Variants in TMTC3 observed in about 807,000 individuals in gnomAD.
TMTC3 encodes transmembrane O-mannosyltransferase targeting cadherins 3.
In TMTC3, 52 loss-of-function variants were observed where a neutral mutation model predicts 92.2. The observed-to-expected ratio is 0.56, with a 90% CI of 0.45 to 0.71. The LOEUF (loss-of-function observed/expected upper bound fraction) is 0.71, where lower values mean the gene tolerates loss of function less well. TMTC3 is among the 30% of genes least tolerant of loss of function. The pLI, the probability that TMTC3 is intolerant of heterozygous loss-of-function variation, is 0.00. For synonymous variants in TMTC3, 339 were observed against 363.3 expected (o/e 0.93, Z 0.76); for missense variants, 896 against 1,057.1 (o/e 0.85, Z 2.11).
intron 8 of TMTC3, among the ~76,000 whole-genome samples, chr12:88,174,252 C>A (rs1207804457): frequency 2.0e-5 from 3 of 152,000 alleles, no homozygotes; most frequent in African/African-American, 7.2e-5. Context: ...TGACCCCTTT[C>A]TAAACTCAAT....
intron 7 of TMTC3, among the ~76,000 whole-genome samples, chr12:88,170,695 T>C (rs2041195023): frequency 6.6e-6 from 1 of 152,064 alleles, no homozygotes; most frequent in South Asian, 2.1e-4. Flanking sequence ...ATTAGAAGAG[T>C]CTCAAACTTG....
chr12:88,146,879 TAGTC>T (rs1385255481), intron 1 of TMTC3, among the ~76,000 whole-genome samples: 1 of 150,092 alleles, frequency 6.7e-6, no homozygotes, highest in African/African-American at 2.4e-5. Context: ...AGAAACTACA[TAGTC>T]AGTAGTTTAA....
At chr12:88,154,148 C>T in intron 3 of TMTC3, 140 bp from the exon 4 acceptor site, 1 of 591,720 alleles carries the variant, frequency 1.7e-6, no homozygotes, top group Non-Finnish European at 2.9e-6. Context: ...AAATTCACCA[C>T]CTGAGGGCAC....
intron 4 of TMTC3, among the ~76,000 whole-genome samples, chr12:88,158,575 T>G (rs957772829): frequency 1.3e-5 from 2 of 152,104 alleles, no homozygotes; most frequent in Admixed American, 6.5e-5. Context: ...ATTTCTTTGT[T>G]TTCGGTTATT....
In TMTC3 at chr12:88,196,787, A is replaced by G. The variant is rs1260644328; in HGVS notation, c.*1138A>G. The stretch of plus-strand genomic sequence containing the variant: ...AAACAAATTACTATTGCATTTTCCT[A>G]TATATGCATATATTATGGATTAACC... On this transcript the variant is annotated 3_prime_UTR_variant, in exon 14 of 14. Coordinates refer to ENST00000266712, the MANE Select transcript of TMTC3 (RefSeq NM_181783.4). The G allele has an allele frequency of 6.6e-6, 1 of 151,878 alleles. No homozygotes were observed. The highest frequency in any genetic ancestry group is 1.5e-5 in the Non-Finnish European group (1 of 67,820). 9.4% of individuals were successfully genotyped at this position (151,878 alleles called of 1,614,324 possible).
intron 4 of TMTC3, among the ~76,000 whole-genome samples, chr12:88,155,520 A>G (rs951084916): frequency 6.6e-6 from 1 of 152,152 alleles, no homozygotes; most frequent in African/African-American, 2.4e-5. Flanking sequence ...AGCTGTCTTC[A>G]CTATAGCTAG....
At chr12:88,180,804 T>A (rs1385307829) in intron 10 of TMTC3, among the ~76,000 whole-genome samples, 1 of 152,144 alleles carries the variant, frequency 6.6e-6, no homozygotes, top group Admixed American at 6.6e-5. Flanking sequence ...TGTCAACAAA[T>A]CATTTGGACC....
At chr12:88,184,884 T>G (rs2041358919) in intron 10 of TMTC3, among the ~76,000 whole-genome samples, 1 of 152,066 alleles carries the variant, frequency 6.6e-6, no homozygotes. Flanking sequence ...GCATAGAGAT[T>G]AGAAATTTTC....
Position 88,190,639 on chromosome 12 carries a change from T to C in TMTC3, c.1706+17T>C, listed in dbSNP as rs2041431961. The C allele has an allele frequency of 1.2e-6, 2 of 1,610,624 alleles. No individual in the cohort carries two copies. The highest frequency in any genetic ancestry group is 2.2e-5 in the South Asian group (2 of 90,744). On this transcript the variant is annotated intron_variant, in intron 12 of 13. Coordinates refer to ENST00000266712, the MANE Select transcript of TMTC3 (RefSeq NM_181783.4). ...CATTAGCAGGTATCCCAGTTCAACTTTAAGCTATCATTATGGAATATTGAA... is the reference window on the plus strand; with the variant it reads ...CATTAGCAGGTATCCCAGTTCAACTCTAAGCTATCATTATGGAATATTGAA...
In TMTC3 at chr12:88,148,993, G is replaced by A. The variant is rs993465527; in HGVS notation, c.189+489G>A. 3.3e-5 allele frequency among the ~76,000 whole-genome samples: 5 copies of A among 152,188 alleles called. No individual in the cohort carries two copies. The East Asian group carries it at 9.6e-4, about 29-fold the overall frequency. The stretch of plus-strand genomic sequence containing the variant: ...TATTTCTCTTTTTTCTGTCTTGTGA[G>A]TAAGGCAAAAGAGATGTGATATATT... On this transcript the variant is annotated intron_variant, in intron 2 of 13. Coordinates refer to ENST00000266712, the MANE Select transcript of TMTC3 (RefSeq NM_181783.4).
intron 1 of TMTC3, among the ~76,000 whole-genome samples, chr12:88,143,457 A>T (rs1565938939): frequency 6.6e-6 from 1 of 152,180 alleles, no homozygotes; most frequent in African/African-American, 2.4e-5. Flanking sequence ...CTCATTTTCC[A>T]TCTGAGTTAA....
intron 10 of TMTC3, among the ~76,000 whole-genome samples, chr12:88,183,032 T>TC (rs2138425790): frequency 6.6e-6 from 1 of 152,288 alleles, no homozygotes; most frequent in Non-Finnish European, 1.5e-5. Flanking sequence ...TGCAGAAATC[T>TC]CCATTTGCCA....
chr12:88,194,166 G>T (rs1349478927), intron 13 of TMTC3, among the ~76,000 whole-genome samples: 2 of 152,128 alleles, frequency 1.3e-5, no homozygotes, highest in Non-Finnish European at 2.9e-5. Context: ...AGGTTACAGT[G>T]ACCTGTGGAC....
At position 88,195,341 on chromosome 12, in the gene TMTC3, A is replaced by G. The variant is rs1412520360; in HGVS notation, c.2437A>G (p.Ile813Val). The G allele has an allele frequency of 1.2e-6, 2 of 1,613,994 alleles. No homozygotes were observed. Among genetic ancestry groups the G allele is most frequent in the Non-Finnish European group, 1.7e-6 (2 of 1,179,916 alleles). ...HEEYIQRHLN[I>V]VRDKISSSSF... ...AGAATATATTCAGCGCCATTTGAAT[A>G]TAGTCAGGGATAAGATTTCCTCATC... The change falls in exon 14 of 14, where the codon ATA becomes GTA. Residue 813 changes from isoleucine (I) to valine (V), a missense_variant. Physicochemically the swap from Ile to Val is conservative, Grantham distance 29. Transcript: ENST00000266712.
At chr12:88,193,984 G>A (rs2138446902) in intron 13 of TMTC3, among the ~76,000 whole-genome samples, 1 of 152,188 alleles carries the variant, frequency 6.6e-6, no homozygotes, top group East Asian at 1.9e-4. Context: ...ACTTAGGGAG[G>A]CCAGGGTGGG....
At chr12:88,165,264 C>T (rs1036989118) in intron 6 of TMTC3, among the ~76,000 whole-genome samples, 2 of 152,020 alleles carry the variant, frequency 1.3e-5, no homozygotes, top group Non-Finnish European at 2.9e-5. Context: ...TTGACATTAA[C>T]TCTTTCTTTA....
chr12:88,154,156 CA>C, intron 3 of TMTC3, 131 bp from the exon 4 acceptor site: 1 of 606,488 alleles, frequency 1.6e-6, no homozygotes, highest in Non-Finnish European at 2.8e-6. Context: ...CACCTGAGGG[CA>C]CCCAAAGAAT....
intron 4 of TMTC3, among the ~76,000 whole-genome samples, chr12:88,159,857 C>T (rs1356531129): frequency 1.3e-5 from 2 of 151,898 alleles, no homozygotes; most frequent in Non-Finnish European, 2.9e-5. Context: ...ACCACCCTAC[C>T]TTTGTTTTAA....
chr12:88,176,291 C>T lies in TMTC3; in HGVS notation c.1404C>T (p.Tyr468=), dbSNP rs2041258814. 1 of 1,611,270 alleles carries T rather than the reference C, an allele frequency of 6.2e-7. No homozygotes were observed. The highest frequency in any genetic ancestry group is 8.5e-7 in the Non-Finnish European group (1 of 1,178,466). Residue 468 remains tyrosine (Y), a synonymous_variant, in exon 10 of 14, where the codon TAC becomes TAT. Transcript: ENST00000266712. ...AGAACTTTGAGAGAGCTTTGAAATA[C>T]TTCTTACAGGCTACCCATGTTCAGC... ...NEKNFERALK[Y]FLQATHVQPD... is the part of the protein sequence containing the mutation.
Sources: gnomAD v4.1 joint callset for allele counts (sites outside exome capture counted in the v4.1 genomes callset) on GRCh38, gnomAD v4.1.1 for gene constraint, MANE v1.5 for transcripts, NCBI Gene and HGNC (gene_info 2026-07-23, HGNC 2026-07-21) for gene names.